The following CACNG2 variants were observed in gnomAD, a reference collection of about 807,000 sequenced individuals.
CACNG2 encodes voltage-dependent calcium channel gamma-2 subunit.
A neutral mutation model predicts 25.9 loss-of-function variants in CACNG2; 3 were observed. That is an observed-to-expected ratio of 0.12 (90% CI 0.05 to 0.30). CACNG2 has a LOEUF of 0.30. Ranked by LOEUF, CACNG2 falls within the 10% of genes least tolerant of loss-of-function variation. The probability of loss-of-function intolerance (pLI) is 1.00; values close to 1 mark genes in which losing one functional copy is unlikely to be tolerated. For synonymous variants in CACNG2, 167 were observed against 173.3 expected (o/e 0.96, Z 0.29); for missense variants, 341 against 432.5 (o/e 0.79, Z 1.88).
At chr22:36,567,551 A>G (rs1014883549) in intron 2 of CACNG2, among the ~76,000 whole-genome samples, 5 of 149,988 alleles carry the variant, frequency 3.3e-5, no homozygotes, top group Non-Finnish European at 5.9e-5. Flanking sequence ...AAAGGGAGAA[A>G]CAGAAGGTGA....
intron 3 of CACNG2, among the ~76,000 whole-genome samples, chr22:36,565,093 G>A (rs948171552): frequency 4.6e-5 from 7 of 152,216 alleles, no homozygotes; most frequent in African/African-American, 1.4e-4. Flanking sequence ...AGAGCCACAA[G>A]GGAAGCGCTA....
At position 36,623,011 on chromosome 22, in the gene CACNG2, G is replaced by GATTT. The variant is rs1569032646; in HGVS notation, c.212-35464_212-35463insAAAT. On this transcript the variant is annotated intron_variant, in intron 1 of 3. Transcript: ENST00000300105. ...TTTCTCATTCAGTCTTCAAAACATG[G>GATTT]GTTTTTTTTTTTTTTTTTTTTTTTT... 9.7e-5 allele frequency among the ~76,000 whole-genome samples: 9 copies of GATTT among 93,200 alleles called. 3 individuals carry two copies. Among genetic ancestry groups the GATTT allele is most frequent in the Admixed American group, 2.7e-4 (2 of 7,460 alleles). The allele number at this position is 93,200 out of a possible 152,430, so 61.1% of individuals were successfully genotyped here.
chr22:36,595,630 T>C (rs1245295848), intron 1 of CACNG2, among the ~76,000 whole-genome samples: 1 of 152,106 alleles, frequency 6.6e-6, no homozygotes, highest in Non-Finnish European at 1.5e-5. Flanking sequence ...GGGTGGGTGA[T>C]GGCTGGAGTG....
intron 1 of CACNG2, among the ~76,000 whole-genome samples, chr22:36,589,002 TCCCCC>T (rs1569022011): frequency 2.1e-5 from 3 of 141,048 alleles, no homozygotes; most frequent in African/African-American, 2.9e-5. Flanking sequence ...TTTTTTTTTT[TCCCCC>T]TGAAATGGAG....
intron 2 of CACNG2, among the ~76,000 whole-genome samples, chr22:36,580,911 G>A (rs1031454564): frequency 3.9e-5 from 6 of 151,976 alleles, no homozygotes; most frequent in African/African-American, 4.8e-5. Context: ...ACACACAAGC[G>A]CTTACACATT....
intron 1 of CACNG2, among the ~76,000 whole-genome samples, chr22:36,685,765 G>A (rs935283612): frequency 2.6e-5 from 4 of 152,242 alleles, no homozygotes; most frequent in Non-Finnish European, 4.4e-5. Context: ...TGATTCCACG[G>A]GAAGCCAAGG....
At chr22:36,569,957 C>CGCA (rs1362618995) in intron 2 of CACNG2, among the ~76,000 whole-genome samples, 2 of 152,188 alleles carry the variant, frequency 1.3e-5, no homozygotes, top group African/African-American at 4.8e-5. Context: ...GCTTCCGAGG[C>CGCA]GCAGCAGCAG....
intron 1 of CACNG2, among the ~76,000 whole-genome samples, chr22:36,649,193 G>T (rs1936571776): frequency 6.6e-6 from 1 of 152,186 alleles, no homozygotes; most frequent in South Asian, 2.1e-4. Context: ...TGCCGCGGCA[G>T]CTCCATCCTT....
intron 2 of CACNG2, chr22:36,585,115 G>A (rs1273476472): frequency 6.6e-6 from 1 of 152,272 alleles, no homozygotes; most frequent in Non-Finnish European, 1.5e-5. Flanking sequence ...TCATCAAAGT[G>A]CTTTTTTGGG....
intron 1 of CACNG2, among the ~76,000 whole-genome samples, chr22:36,700,924 C>A (rs1937403633): frequency 6.6e-6 from 1 of 152,172 alleles, no homozygotes; most frequent in Non-Finnish European, 1.5e-5. Flanking sequence ...ACCGTTTGCA[C>A]CAAGAATGTT....
intron 1 of CACNG2, among the ~76,000 whole-genome samples, chr22:36,589,575 T>G (rs1019715506): frequency 6.6e-6 from 1 of 152,204 alleles, no homozygotes; most frequent in Admixed American, 6.5e-5. Flanking sequence ...CCAAATTCAC[T>G]AACTTTCTTG....
intron 2 of CACNG2, among the ~76,000 whole-genome samples, chr22:36,568,152 A>T (rs1449316429): frequency 6.6e-6 from 1 of 151,858 alleles, no homozygotes; most frequent in Non-Finnish European, 1.5e-5. Context: ...CTGGCCAAAG[A>T]TGTCTTCTTT....
At chr22:36,679,193 C>CCTTCCTTCCTTCCTTTCTTT (rs1937059663) in intron 1 of CACNG2, among the ~76,000 whole-genome samples, 3 of 49,238 alleles carry the variant, frequency 6.1e-5, no homozygotes, top group African/African-American at 2.5e-4. Context: ...TTCCTTCCTT[C>CCTTCCTTCCTTCCTTTCTTT]CTTCCTTTCT....
intron 1 of CACNG2, among the ~76,000 whole-genome samples, chr22:36,684,308 G>C (rs1433160179): frequency 2.0e-5 from 3 of 152,074 alleles, no homozygotes; most frequent in Non-Finnish European, 2.9e-5. Flanking sequence ...TTTAAACAGG[G>C]GATCGATTTA....
chr22:36,634,235 G>T (rs1936321472), intron 1 of CACNG2, among the ~76,000 whole-genome samples: 1 of 152,192 alleles, frequency 6.6e-6, no homozygotes, highest in Non-Finnish European at 1.5e-5. Flanking sequence ...CTTTTGGTTA[G>T]GTGTGACCAC....
At chr22:36,579,231 C>A (rs1935373241) in intron 2 of CACNG2, among the ~76,000 whole-genome samples, 1 of 151,952 alleles carries the variant, frequency 6.6e-6, no homozygotes, top group South Asian at 2.1e-4. Flanking sequence ...ATGGTAAAAA[C>A]CCGTCTCTAC....
At chr22:36,612,063 T>C (rs1364886715) in intron 1 of CACNG2, among the ~76,000 whole-genome samples, 1 of 152,214 alleles carries the variant, frequency 6.6e-6, no homozygotes, top group Non-Finnish European at 1.5e-5. Flanking sequence ...AGCTGCAGAC[T>C]CCAGCAATCC....
chr22:36,581,463 C>T (rs188900990), intron 2 of CACNG2, among the ~76,000 whole-genome samples: 28 of 152,342 alleles, frequency 1.8e-4, no homozygotes, highest in Admixed American at 1.2e-3. Flanking sequence ...CTGGCTTGAG[C>T]GCGGTGAGCC....
intron 1 of CACNG2, among the ~76,000 whole-genome samples, chr22:36,619,538 T>C (rs1322042321): frequency 1.3e-5 from 2 of 152,252 alleles, no homozygotes; most frequent in Non-Finnish European, 2.9e-5. Context: ...TGTCTGCTAA[T>C]GTTTTCAGTT....
Sources: gnomAD v4.1 joint callset for allele counts (sites outside exome capture counted in the v4.1 genomes callset) on GRCh38, gnomAD v4.1.1 for gene constraint, MANE v1.5 for transcripts, NCBI Gene and HGNC (gene_info 2026-07-23, HGNC 2026-07-21) for gene names.